The following GALNT14 variants were observed in gnomAD, a reference collection of about 807,000 sequenced individuals.
GALNT14 encodes UDP-GalNAc:polypeptide N-acetylgalactosaminyltransferase 14.
In GALNT14, 60 loss-of-function variants were observed where a neutral mutation model predicts 77.5. The observed-to-expected ratio is 0.77, with a 90% CI of 0.63 to 0.96. GALNT14 has a LOEUF of 0.96. Among genes scored for constraint, GALNT14 ranks in the 40% least tolerant of loss-of-function variants. GALNT14 has a pLI of 0.00. For synonymous variants in GALNT14, 280 were observed against 281.7 expected (o/e 0.99, Z 0.06); for missense variants, 710 against 731.0 (o/e 0.97, Z 0.33).
chr2:30,897,673 G>A, the GALNT14 span, among the ~76,000 whole-genome samples: 2 of 152,194 alleles, frequency 1.3e-5, no homozygotes, highest in African/African-American at 4.8e-5. Context: ...ACTGCGCATG[G>A]CGTAGCTTCT....
At chr2:30,972,223 T>C (rs1158976776) in intron 2 of GALNT14, among the ~76,000 whole-genome samples, 1 of 152,234 alleles carries the variant, frequency 6.6e-6, no homozygotes, top group East Asian at 1.9e-4. Context: ...CTGGCTTCTC[T>C]GGAATTGACA....
chr2:30,919,300 T>G lies in GALNT14; in HGVS notation c.1380+4819A>C, dbSNP rs1017998226. ...CTGACATCTTCAATACACACTCAGA[T>G]TAAATATTTTGCTCCCAAGGTTGAC... is the stretch of plus-strand genomic sequence containing the variant. On this transcript the variant is annotated intron_variant, in intron 13 of 14. Transcript: ENST00000349752. Among the ~76,000 whole-genome samples the G allele has an allele frequency of 2.6e-5, 4 of 152,160 alleles. No individual in the cohort carries two copies. In the East Asian group the frequency reaches 7.7e-4, roughly 29 times the overall value.
intron 1 of GALNT14, among the ~76,000 whole-genome samples, chr2:31,124,440 C>G (rs1038755183): frequency 6.6e-6 from 1 of 152,194 alleles, no homozygotes; most frequent in Non-Finnish European, 1.5e-5. Flanking sequence ...AGGCGTTGTT[C>G]TGTAAGGTTG....
intron 1 of GALNT14, chr2:31,125,401 C>T: frequency 1.5e-6 from 1 of 650,694 alleles, no homozygotes; most frequent in Non-Finnish European, 2.7e-6. Flanking sequence ...CTTATTTCTT[C>T]CCTGAGAAAA....
rs187125893 is a variant in GALNT14 at position 30,924,390 on chromosome 2, T to C, written c.1236-127A>G. Reference sequence around the variant, plus strand: ...GGCTGTTAGAAAATATCTGCACTGCTCGGGGAAGGGCAGGGTGCCACTAAG... The same window carrying C: ...GGCTGTTAGAAAATATCTGCACTGCCCGGGGAAGGGCAGGGTGCCACTAAG... On this transcript the variant is annotated intron_variant, in intron 12 of 14. Coordinates refer to ENST00000349752, the MANE Select transcript of GALNT14 (RefSeq NM_024572.4). 149 of 992,956 alleles carry C rather than the reference T, an allele frequency of 1.5e-4. 1 individual carries two copies. The African/African-American group carries it at 2.3e-3, about 16-fold the overall frequency. The allele number at this position is 992,956 out of a possible 1,614,324, so 61.5% of individuals were successfully genotyped here. A position where few individuals can be genotyped will look rare whatever the true frequency, so the allele number is the denominator to read the frequency against.
At chr2:31,067,756 C>T (rs1675075055) in intron 1 of GALNT14, among the ~76,000 whole-genome samples, 2 of 152,164 alleles carry the variant, frequency 1.3e-5, no homozygotes, top group Non-Finnish European at 2.9e-5. Flanking sequence ...ACTTAATTTT[C>T]ATTAAAATGT....
chr2:31,028,496 G>A (rs1376893364), intron 1 of GALNT14, among the ~76,000 whole-genome samples: 3 of 152,230 alleles, frequency 2.0e-5, no homozygotes, highest in Non-Finnish European at 4.4e-5. Flanking sequence ...CACCAGGTCC[G>A]GTTAGCGGGG....
chr2:30,958,604 A>G (rs1029975961), intron 3 of GALNT14, 140 bp from the exon 4 acceptor site: 10 of 650,056 alleles, frequency 1.5e-5, no homozygotes, highest in Non-Finnish European at 2.4e-5. Flanking sequence ...CATATTGCTT[A>G]TCTGTGAGCC....
At chr2:30,939,544 A>G (rs1313003301) in intron 9 of GALNT14, among the ~76,000 whole-genome samples, 1 of 152,112 alleles carries the variant, frequency 6.6e-6, no homozygotes, top group Non-Finnish European at 1.5e-5. Context: ...CCTTAGGACA[A>G]AAGGGAGCCA....
downstream of GALNT14, among the ~76,000 whole-genome samples, chr2:30,907,221 G>C (rs901273752): frequency 2.0e-5 from 3 of 152,170 alleles, no homozygotes; most frequent in Non-Finnish European, 4.4e-5. Flanking sequence ...GAGCAGAACT[G>C]AAGGAAATAG....
At chr2:31,116,901 G>A (rs376963000) in intron 1 of GALNT14, among the ~76,000 whole-genome samples, 3 of 152,090 alleles carry the variant, frequency 2.0e-5, no homozygotes, top group Admixed American at 2.0e-4. Context: ...AGCCAGGTGT[G>A]GGGCGCATGC....
chr2:30,923,223 C>T (rs1572971945), intron 13 of GALNT14, among the ~76,000 whole-genome samples: 1 of 151,322 alleles, frequency 6.6e-6, no homozygotes, highest in East Asian at 1.9e-4. Context: ...CCACCCTGCC[C>T]GGCTAATTTT....
At chr2:31,021,088 G>C (rs530480542) in intron 1 of GALNT14, among the ~76,000 whole-genome samples, 1 of 152,010 alleles carries the variant, frequency 6.6e-6, no homozygotes, top group Non-Finnish European at 1.5e-5. Context: ...TGCCCATCTC[G>C]GAGCCAAGAG....
chr2:30,915,417 C>T (rs1371911298), intron 13 of GALNT14, among the ~76,000 whole-genome samples: 3 of 152,166 alleles, frequency 2.0e-5, no homozygotes, highest in Non-Finnish European at 2.9e-5. Flanking sequence ...TATTTCCTGG[C>T]ATTTCAATAA....
chr2:30,971,237 C>T (rs919078167), intron 2 of GALNT14, among the ~76,000 whole-genome samples: 29 of 151,994 alleles, frequency 1.9e-4, no homozygotes, highest in African/African-American at 6.5e-4. Flanking sequence ...ATTAGGGGCA[C>T]GAGGGAATGG....
intron 1 of GALNT14, chr2:31,114,603 G>C (rs1295857486): frequency 1.6e-6 from 1 of 614,462 alleles, no homozygotes; most frequent in East Asian, 2.8e-5. Flanking sequence ...AAAATACAAA[G>C]AAATAAAAAT....
chr2:31,134,231 A>T (rs183818771), intron 1 of GALNT14, among the ~76,000 whole-genome samples: 141 of 151,598 alleles, frequency 9.3e-4, no homozygotes, highest in African/African-American at 3.4e-3. Flanking sequence ...AGCTCTCTCC[A>T]ATCTCTACAC....
the GALNT14 span, among the ~76,000 whole-genome samples, chr2:30,889,942 A>G: frequency 6.6e-6 from 1 of 152,184 alleles, no homozygotes; most frequent in Non-Finnish European, 1.5e-5. Context: ...AATAATTTGG[A>G]TCTAGGGCTG....
intron 1 of GALNT14, among the ~76,000 whole-genome samples, chr2:31,052,299 G>A (rs963191354): frequency 2.6e-5 from 4 of 152,206 alleles, no homozygotes; most frequent in South Asian, 2.1e-4. Context: ...TGGTGTCCCC[G>A]CTCTACAAAG....
Sources: allele counts gnomAD v4.1 joint callset (sites outside exome capture counted in the v4.1 genomes callset), GRCh38; gene constraint gnomAD v4.1.1; transcripts MANE v1.5; gene names NCBI Gene and HGNC (gene_info 2026-07-23, HGNC 2026-07-21).